The following NDUFA5 variants were observed in gnomAD, a reference collection of about 807,000 sequenced individuals.
NDUFA5 encodes the protein NADH dehydrogenase [ubiquinone] 1 alpha subcomplex subunit 5.
NDUFA5 carries 11 observed loss-of-function variants against 19.8 expected under a neutral mutation model. The ratio of observed to expected loss-of-function variants is 0.56; its 90% CI spans 0.35 to 0.92. NDUFA5 has a LOEUF of 0.92. Ranked by LOEUF, NDUFA5 falls within the 40% of genes least tolerant of loss-of-function variation. The pLI is 0.01. For synonymous variants in NDUFA5, 47 were observed against 46.8 expected (o/e 1.00, Z -0.01); for missense variants, 109 against 134.2 (o/e 0.81, Z 0.93).
At chr7:123,552,660 A>C (rs1384560399) in intron 2 of NDUFA5, among the ~76,000 whole-genome samples, 3 of 150,582 alleles carry the variant, frequency 2.0e-5, no homozygotes, top group African/African-American at 7.4e-5. Flanking sequence ...AAAAAAAAAA[A>C]TTGTGTGCAG....
chr7:123,595,513 T>C, the NDUFA5 span, among the ~76,000 whole-genome samples: 1 of 152,204 alleles, frequency 6.6e-6, no homozygotes, highest in Non-Finnish European at 1.5e-5. Flanking sequence ...TGACCAACTA[T>C]CGTCATGCTT....
At chr7:123,569,525 T>G in the NDUFA5 span, among the ~76,000 whole-genome samples, 1 of 152,170 alleles carries the variant, frequency 6.6e-6, no homozygotes, top group Admixed American at 6.5e-5. Context: ...ATGTATGAGA[T>G]TGACTTAAGA....
the NDUFA5 span, among the ~76,000 whole-genome samples, chr7:123,573,436 T>C: frequency 6.6e-6 from 1 of 152,006 alleles, no homozygotes; most frequent in African/African-American, 2.4e-5. Flanking sequence ...GTCTTATTTG[T>C]TTATGTATTT....
At chr7:123,591,709 T>A in the NDUFA5 span, among the ~76,000 whole-genome samples, 2 of 152,316 alleles carry the variant, frequency 1.3e-5, no homozygotes, top group East Asian at 3.9e-4. Flanking sequence ...GCCAGTGTTT[T>A]ACTGAGGATT....
chr7:123,588,932 A>T, the NDUFA5 span, among the ~76,000 whole-genome samples: 1,423 of 151,888 alleles, frequency 9.4e-3, 33 homozygotes, highest in East Asian at 0.063. Flanking sequence ...TGGAAAAGAT[A>T]ATTGATATGA....
At position 123,539,503 on chromosome 7, in the gene NDUFA5, A is replaced by G. The variant is rs1797859100; in HGVS notation, c.*2616T>C. 6.6e-6 allele frequency: 1 copy of G among 152,216 alleles called. No individual in the cohort carries two copies. 9.4% of individuals were successfully genotyped at this position (152,216 alleles called of 1,614,324 possible). ...ATCTGCAGTATGATGATTAACTAGA[A>G]TGAAACCCATGGGAGAACTGAAATA... is the stretch of plus-strand genomic sequence containing the variant. On this transcript the variant is annotated 3_prime_UTR_variant, in exon 5 of 5. Coordinates refer to ENST00000355749, the MANE Select transcript of NDUFA5 (RefSeq NM_005000.5).
At position 123,540,889 on chromosome 7, in the gene NDUFA5, T is replaced by TGCGTGC. The variant is rs142574797; in HGVS notation, c.*1229_*1230insGCACGC. On this transcript the variant is annotated 3_prime_UTR_variant, in exon 5 of 5. Coordinates refer to ENST00000355749, the MANE Select transcript of NDUFA5 (RefSeq NM_005000.5). ...TTCTGAGCAAATGTGCGCATGCGCG[T>TGCGTGC]GCACACACACACACACACACACACA... is the stretch of plus-strand genomic sequence containing the variant. The TGCGTGC allele has an allele frequency of 2.7e-5, 3 of 110,348 alleles. No homozygotes were observed. The highest frequency in any genetic ancestry group is 2.6e-4 in the East Asian group (1 of 3,792). The allele number at this position is 110,348 out of a possible 1,614,324, so 6.8% of individuals were successfully genotyped here.
At chr7:123,550,400 T>C (rs1391273610) in intron 3 of NDUFA5, 70 bp downstream of exon 3, 6 of 842,068 alleles carry the variant, frequency 7.1e-6, no homozygotes, top group African/African-American at 6.9e-5. Flanking sequence ...GTCGAATATA[T>C]AAAAAATAAG....
At chr7:123,573,484 T>A in the NDUFA5 span, among the ~76,000 whole-genome samples, 177 of 152,260 alleles carry the variant, frequency 1.2e-3, no homozygotes, top group Non-Finnish European at 1.9e-3. Flanking sequence ...ACCACGGTTC[T>A]AGTCCTCAAG....
chr7:123,550,424 T>G, intron 3 of NDUFA5, 46 bp downstream of exon 3: 1 of 210,562 alleles, frequency 4.7e-6, no homozygotes, highest in Admixed American at 9.5e-5. Context: ...CTAAACTTTT[T>G]TGGTTAAATG....
chr7:123,597,619 G>A, the NDUFA5 span, among the ~76,000 whole-genome samples: 1 of 152,024 alleles, frequency 6.6e-6, no homozygotes, highest in Non-Finnish European at 1.5e-5. Flanking sequence ...ATCACTTGAG[G>A]TCAGGAGTTC....
At chr7:123,553,572 G>C (rs1220063785) in intron 2 of NDUFA5, among the ~76,000 whole-genome samples, 1 of 152,084 alleles carries the variant, frequency 6.6e-6, no homozygotes. Flanking sequence ...TAATAAAAAT[G>C]ATAAAAAGAA....
At chr7:123,566,828 A>C in the NDUFA5 span, among the ~76,000 whole-genome samples, 1 of 152,174 alleles carries the variant, frequency 6.6e-6, no homozygotes, top group Non-Finnish European at 1.5e-5. Context: ...GGCCGAAATG[A>C]CCTTATTTTT....
the NDUFA5 span, among the ~76,000 whole-genome samples, chr7:123,577,375 T>A: frequency 6.6e-6 from 1 of 152,188 alleles, no homozygotes; most frequent in East Asian, 1.9e-4. Context: ...ATAAAATGCT[T>A]CTGTAACTGG....
rs996747827 is a variant in NDUFA5 at position 123,540,186 on chromosome 7, T to C, written c.*1933A>G. 1 of 152,226 alleles carries C rather than the reference T, an allele frequency of 6.6e-6. No homozygotes were observed. The highest frequency in any genetic ancestry group is 1.5e-5 in the Non-Finnish European group (1 of 68,040). The allele number at this position is 152,226 out of a possible 1,614,324, so 9.4% of individuals were successfully genotyped here. ...TCTTAGGGTTGTAGTGCAGGTTTAA[T>C]GAGTGAAATTAGTCAGGTACTTATG... On this transcript the variant is annotated 3_prime_UTR_variant, in exon 5 of 5. Transcript: ENST00000355749.
chr7:123,551,544 A>AT, intron 2 of NDUFA5: 1 of 974,782 alleles, frequency 1.0e-6, no homozygotes, highest in Non-Finnish European at 1.2e-6. Context: ...AAGCACTGCA[A>AT]ATTTTTTTTT....
the NDUFA5 span, among the ~76,000 whole-genome samples, chr7:123,566,412 T>C: frequency 1.3e-5 from 2 of 152,302 alleles, no homozygotes; most frequent in Non-Finnish European, 2.9e-5. Flanking sequence ...ACTTTTGTTA[T>C]AGCAACCCTA....
upstream of NDUFA5, among the ~76,000 whole-genome samples, chr7:123,560,808 C>T (rs1329698913): frequency 1.3e-5 from 2 of 152,184 alleles, no homozygotes; most frequent in African/African-American, 4.8e-5. Flanking sequence ...AAGATTCCAT[C>T]TCCAAATACC....
At chr7:123,580,867 C>T in the NDUFA5 span, among the ~76,000 whole-genome samples, 1,332 of 152,082 alleles carry the variant, frequency 8.8e-3, 21 homozygotes, top group African/African-American at 0.03. Flanking sequence ...ACTAAAAAAA[C>T]GCAGTGTTGA....
Sources: gnomAD v4.1 joint callset for allele counts (sites outside exome capture counted in the v4.1 genomes callset) on GRCh38, gnomAD v4.1.1 for gene constraint, MANE v1.5 for transcripts, NCBI Gene and HGNC (gene_info 2026-07-23, HGNC 2026-07-21) for gene names.